Variants in SUGP2 observed in about 807,000 individuals in gnomAD.
SUGP2 encodes the protein SURP and G-patch domain-containing protein 2.
A neutral mutation model predicts 90.5 loss-of-function variants in SUGP2; 24 were observed. That is an observed-to-expected ratio of 0.27 (90% CI 0.19 to 0.37). The LOEUF (loss-of-function observed/expected upper bound fraction) is 0.37. Among genes scored for constraint, SUGP2 ranks in the 10% least tolerant of loss-of-function variants. The pLI, the probability that SUGP2 is intolerant of heterozygous loss-of-function variation, is 1.00. For missense variants in SUGP2, 1,233 were observed against 1,363.3 expected, an observed-to-expected ratio of 0.90 and a Z score of 1.51; for synonymous variants, 473 against 513.4, an observed-to-expected ratio of 0.92 and a Z score of 1.06.
chr19:19,025,696 T>C lies in SUGP2; in HGVS notation c.652A>G (p.Ile218Val), dbSNP rs1434895620. The change falls in exon 3 of 11, where the codon ATC becomes GTC. Residue 218 changes from isoleucine to valine, a missense_variant. By Grantham distance (29) the Ile-to-Val change is conservative. Transcript: ENST00000452918. ...QVQARGRALN[I>V]VDQEGSLLGK... ...AGGAGGGAACCTTCCTGGTCAACGA[T>C]GTTTAGAGCTCGACCTCTGGCCTGG... 1.2e-6 allele frequency: 2 copies of C among 1,613,996 alleles called. No homozygotes were observed. The highest frequency in any genetic ancestry group is 2.7e-5 in the African/African-American group (2 of 75,014).
At position 18,992,348 on chromosome 19, in the gene SUGP2, CTT is replaced by C. The variant is rs60167563; in HGVS notation, c.*1391_*1392del. The stretch of plus-strand genomic sequence containing the variant: ...TATAGGCGTGAGTCACCGTGCCGGC[CTT>C]TTTTTTTTTTTTTTTTGGAGATGGA... On this transcript the variant is annotated 3_prime_UTR_variant, in exon 11 of 11. Transcript: ENST00000452918. 89 of 83,592 alleles carry C rather than the reference CTT, an allele frequency of 1.1e-3. 1 individual carries two copies. Among genetic ancestry groups the C allele is most frequent in the Admixed American group, 1.5e-3 (10 of 6,818 alleles). The allele number at this position is 83,592 out of a possible 1,614,324, so 5.2% of individuals were successfully genotyped here. A position where few individuals can be genotyped will look rare whatever the true frequency, so the allele number is the denominator to read the frequency against.
chr19:19,026,334 TG>T (rs1297770454), intron 2 of SUGP2, 108 bp from the exon 3 acceptor site: 3 of 1,085,086 alleles, frequency 2.8e-6, no homozygotes, highest in Admixed American at 3.0e-5. Context: ...GCAGCAAAAC[TG>T]CTTTATACAC....
chr19:19,032,882 C>A (rs2059233646), intron 1 of SUGP2, among the ~76,000 whole-genome samples: 1 of 152,198 alleles, frequency 6.6e-6, no homozygotes, highest in African/African-American at 2.4e-5. Flanking sequence ...GGGTCCATTT[C>A]CCATCACGAT....
chr19:19,025,114 C>T lies in SUGP2; in HGVS notation c.1234G>A (p.Val412Met). Residue 412 changes from valine to methionine, a missense_variant, in exon 3 of 11, where the codon GTG (valine) becomes ATG (methionine). Coordinates refer to ENST00000452918, the MANE Select transcript of SUGP2 (RefSeq NM_001017392.5). Reference sequence around the variant, plus strand: ...TCAAAAAAGCAATTTTTGGTCTTCACAGCACCTTTGTCTAAAAGCATGTTT... The same window carrying T: ...TCAAAAAAGCAATTTTTGGTCTTCATAGCACCTTTGTCTAAAAGCATGTTT... ...FLNMLLDKGA[V>M]KTKNCFFEII... 1.2e-6 allele frequency: 2 copies of T among 1,614,034 alleles called. No homozygotes were observed. The highest frequency in any genetic ancestry group is 8.5e-7 in the Non-Finnish European group (1 of 1,180,008).
intron 4 of SUGP2, among the ~76,000 whole-genome samples, chr19:19,015,375 A>T (rs1443236260): frequency 3.3e-5 from 5 of 152,208 alleles, no homozygotes; most frequent in Admixed American, 6.5e-5. Flanking sequence ...GTTTTGTTAA[A>T]TACAACATAC....
intron 8 of SUGP2, among the ~76,000 whole-genome samples, chr19:18,996,297 G>A (rs1315965290): frequency 6.6e-6 from 1 of 152,228 alleles, no homozygotes; most frequent in Non-Finnish European, 1.5e-5. Flanking sequence ...TTGTGAGGCG[G>A]AGGCATGAGA....
intron 4 of SUGP2, among the ~76,000 whole-genome samples, chr19:19,011,866 AAACAT>A (rs1280407894): frequency 6.6e-6 from 1 of 152,210 alleles, no homozygotes; most frequent in African/African-American, 2.4e-5. Context: ...ACCCCACAAC[AAACAT>A]AACAGACTTT....
At chr19:19,001,698 C>T in intron 7 of SUGP2, 24 bp from the exon 8 acceptor site, 1 of 1,611,438 alleles carries the variant, frequency 6.2e-7, no homozygotes, top group Non-Finnish European at 8.5e-7. Context: ...GAAAGAGACA[C>T]ATACACATAC....
At chr19:19,027,810 G>A (rs1442845435) in intron 2 of SUGP2, among the ~76,000 whole-genome samples, 1 of 152,106 alleles carries the variant, frequency 6.6e-6, no homozygotes, top group Non-Finnish European at 1.5e-5. Context: ...GCTAACTTTT[G>A]TATTTTTAGT....
intron 4 of SUGP2, among the ~76,000 whole-genome samples, chr19:19,013,805 G>T (rs1216510797): frequency 1.3e-5 from 2 of 152,142 alleles, no homozygotes; most frequent in East Asian, 3.9e-4. Flanking sequence ...CCACTCCCAG[G>T]GGACAATTTA....
At chr19:19,020,061 A>T (rs1013435599) in intron 3 of SUGP2, among the ~76,000 whole-genome samples, 2 of 140,126 alleles carry the variant, frequency 1.4e-5, no homozygotes, top group South Asian at 2.2e-4. Context: ...ACAAAAAAAA[A>T]TAAATAAATA....
chr19:19,029,799 C>T (rs1009438041), intron 2 of SUGP2, among the ~76,000 whole-genome samples: 4 of 151,746 alleles, frequency 2.6e-5, no homozygotes, highest in Admixed American at 1.3e-4. Context: ...AAAAATTAGC[C>T]GGGCATGGTG....
At chr19:19,021,652 C>CAAAG (rs2058732659) in intron 3 of SUGP2, among the ~76,000 whole-genome samples, 1 of 151,744 alleles carries the variant, frequency 6.6e-6, no homozygotes, top group Admixed American at 6.6e-5. Context: ...AGCATTCAAC[C>CAAAG]AAAGATGTCA....
intron 2 of SUGP2, among the ~76,000 whole-genome samples, chr19:19,027,805 C>T (rs2058993979): frequency 6.6e-6 from 1 of 151,976 alleles, no homozygotes; most frequent in Non-Finnish European, 1.5e-5. Context: ...GCCCGGCTAA[C>T]TTTTGTATTT....
intron 3 of SUGP2, among the ~76,000 whole-genome samples, chr19:19,021,835 T>A (rs1207404374): frequency 6.6e-6 from 1 of 151,812 alleles, no homozygotes; most frequent in Admixed American, 6.6e-5. Context: ...CCAGGCTAAT[T>A]TTTGATTTTT....
chr19:19,033,662 G>T, upstream of SUGP2: 2 of 730,494 alleles, frequency 2.7e-6, no homozygotes, highest in Non-Finnish European at 3.6e-6. Context: ...CGCTCTGGAG[G>T]CAAAACATTT....
Position 19,010,287 on chromosome 19 carries a change from C to T in SUGP2, c.1906G>A (p.Glu636Lys), listed in dbSNP as rs2058260486. 2 of 1,613,932 alleles carry T rather than the reference C, an allele frequency of 1.2e-6. No individual in the cohort carries two copies. The highest frequency in any genetic ancestry group is 1.7e-6 in the Non-Finnish European group (2 of 1,180,036). Residue 636 changes from glutamate to lysine, a missense_variant, in exon 5 of 11, where the codon GAA (glutamate) becomes AAA (lysine). By Grantham distance (56) the Glu-to-Lys change is moderately conservative. This residue lies in a region of SUGP2 where 540 missense variants were observed against 542.6 expected (regional missense o/e 1.00). Coordinates refer to ENST00000452918, the MANE Select transcript of SUGP2 (RefSeq NM_001017392.5). ...EYKYYKLKLA[E>K]MQRMSENLRG... is the part of the protein sequence containing the mutation. ...AAGTTCTCGCTCATCCGCTGCATTT[C>T]TGCCAACTTCAGCTTGTAATATTTA...
chr19:19,010,278 G>T lies in SUGP2; in HGVS notation c.1915C>A (p.Arg639=). 1 of 1,613,844 alleles carries T rather than the reference G, an allele frequency of 6.2e-7. No homozygotes were observed. Among genetic ancestry groups the T allele is most frequent in the Non-Finnish European group, 8.5e-7 (1 of 1,180,016 alleles). ...YYKLKLAEMQ[R]MSENLRGADQ... Reference sequence around the variant, plus strand: ...GCTCCTCGCAAGTTCTCGCTCATCCGCTGCATTTCTGCCAACTTCAGCTTG... The same window carrying T: ...GCTCCTCGCAAGTTCTCGCTCATCCTCTGCATTTCTGCCAACTTCAGCTTG... The change falls in exon 5 of 11, where the codon CGG becomes AGG. Residue 639 remains arginine (R), a synonymous_variant. Coordinates refer to ENST00000452918, the MANE Select transcript of SUGP2 (RefSeq NM_001017392.5).
At chr19:19,028,196 G>A (rs2059007623) in intron 2 of SUGP2, among the ~76,000 whole-genome samples, 1 of 152,138 alleles carries the variant, frequency 6.6e-6, no homozygotes, top group South Asian at 2.1e-4. Flanking sequence ...GGATGACCTG[G>A]GCATCAGGGT....
Sources: allele counts gnomAD v4.1 joint callset (sites outside exome capture counted in the v4.1 genomes callset), GRCh38; gene constraint gnomAD v4.1.1; regional missense constraint gnomAD v4.1.1; transcripts MANE v1.5; gene names NCBI Gene and HGNC (gene_info 2026-07-23, HGNC 2026-07-21).